The following RBFOX1 variants were observed in gnomAD, a reference collection of about 807,000 sequenced individuals.
RBFOX1 encodes the protein RNA binding fox-1 homolog 1, also known as RNA binding protein fox-1 homolog 1.
A neutral mutation model predicts 57.7 loss-of-function variants in RBFOX1; 8 were observed. The observed-to-expected ratio is 0.14, with a 90% CI of 0.08 to 0.25. RBFOX1 has a LOEUF of 0.25. RBFOX1 is among the 10% of genes least tolerant of loss of function. The pLI is 1.00. For synonymous variants in RBFOX1, 326 were observed against 222.4 expected (o/e 1.47, Z -4.15); for missense variants, 611 against 548.5 (o/e 1.11, Z -1.14).
intron 1 of RBFOX1, among the ~76,000 whole-genome samples, chr16:6,118,053 A>G (rs1000032271): frequency 6.6e-6 from 1 of 152,218 alleles, no homozygotes; most frequent in African/African-American, 2.4e-5. Context: ...TAAGAGTTGC[A>G]AAAGTAGTCC....
intron 4 of RBFOX1, among the ~76,000 whole-genome samples, chr16:7,082,024 G>T (rs960098424): frequency 6.6e-6 from 1 of 152,170 alleles, no homozygotes; most frequent in African/African-American, 2.4e-5. Flanking sequence ...TGGAAGAAGC[G>T]ATTGAATTCC....
intron 4 of RBFOX1, among the ~76,000 whole-genome samples, chr16:7,295,754 C>G (rs865903983): frequency 6.6e-6 from 1 of 152,192 alleles, no homozygotes; most frequent in Admixed American, 6.5e-5. Flanking sequence ...TTCCCAAATA[C>G]CCCATCGCAA....
intron 2 of RBFOX1, among the ~76,000 whole-genome samples, chr16:6,418,291 C>T (rs951767134): frequency 6.6e-6 from 1 of 152,094 alleles, no homozygotes; most frequent in Non-Finnish European, 1.5e-5. Flanking sequence ...TGTCCTTTAA[C>T]CACTTTGTAG....
intron 1 of RBFOX1, among the ~76,000 whole-genome samples, chr16:5,353,746 C>T (rs1448672294): frequency 1.6e-5 from 2 of 125,694 alleles, no homozygotes; most frequent in Non-Finnish European, 3.6e-5. Flanking sequence ...AAAACCTCGC[C>T]ATGCCCTGTG....
chr16:5,684,907 G>A (rs1368217400), intron 3 of RBFOX1, among the ~76,000 whole-genome samples: 2 of 152,136 alleles, frequency 1.3e-5, no homozygotes, highest in African/African-American at 2.4e-5. Flanking sequence ...CCAGGCATCA[G>A]GGAGCTCTCC....
chr16:7,134,814 A>G (rs530791155), intron 4 of RBFOX1, among the ~76,000 whole-genome samples: 2 of 152,318 alleles, frequency 1.3e-5, no homozygotes, highest in East Asian at 1.9e-4. Context: ...AGTACATAGC[A>G]TGCAGATAAT....
At chr16:7,001,043 A>G (rs2092744473) in intron 3 of RBFOX1, among the ~76,000 whole-genome samples, 1 of 152,192 alleles carries the variant, frequency 6.6e-6, no homozygotes, top group African/African-American at 2.4e-5. Context: ...GAATACTTGT[A>G]CAGAGAAAAA....
intron 4 of RBFOX1, among the ~76,000 whole-genome samples, chr16:7,426,287 C>G (rs2149469613): frequency 6.6e-6 from 1 of 152,218 alleles, no homozygotes; most frequent in South Asian, 2.1e-4. Context: ...CCCGCTTAAT[C>G]CTTACTAGCA....
chr16:6,317,509 G>T, intron 2 of RBFOX1, among the ~76,000 whole-genome samples: 1 of 151,426 alleles, frequency 6.6e-6, no homozygotes, highest in African/African-American at 2.4e-5. Flanking sequence ...CTCTTTTTGA[G>T]CTGGAATACA....
At position 7,279,036 on chromosome 16, in the gene RBFOX1, A is replaced by G. The variant is rs143551244; in HGVS notation, c.27+226938A>G. On this transcript the variant is annotated intron_variant, in intron 4 of 15. Coordinates refer to ENST00000550418, the MANE Select transcript of RBFOX1 (RefSeq NM_018723.4). ...AAATCTAAAAACTGATGACGGATGGATAAAAAGTCCTATTTTATCTAATTC... is the reference window on the plus strand; with the variant it reads ...AAATCTAAAAACTGATGACGGATGGGTAAAAAGTCCTATTTTATCTAATTC... 9.6e-3 allele frequency among the ~76,000 whole-genome samples: 1,451 copies of G among 151,918 alleles called. 15 individuals carry two copies. The highest frequency in any genetic ancestry group is 0.033 in the African/African-American group (1,380 of 41,448).
At position 6,153,752 on chromosome 16, in the gene RBFOX1, T is replaced by A. The variant is rs551697271; in HGVS notation, c.-127+133760T>A. Among the ~76,000 whole-genome samples the A allele has an allele frequency of 5.0e-4, 76 of 152,210 alleles. No individual in the cohort carries two copies. In the South Asian group the frequency reaches 6.0e-3, roughly 12 times the overall value. ...GGTTTCACCATGTTGGCCAGGCTGG[T>A]CTCAAACTCCTGACCTCAGGTGATC... On this transcript the variant is annotated intron_variant, in intron 1 of 15. Coordinates refer to ENST00000550418, the MANE Select transcript of RBFOX1 (RefSeq NM_018723.4).
chr16:6,498,486 T>C (rs143163905), intron 2 of RBFOX1, among the ~76,000 whole-genome samples: 74 of 152,268 alleles, frequency 4.9e-4, no homozygotes, highest in African/African-American at 1.8e-3. Context: ...CTCAGAAGGA[T>C]ATTGGGGCTT....
chr16:6,080,437 C>G (rs1403997652), intron 1 of RBFOX1, among the ~76,000 whole-genome samples: 2 of 152,150 alleles, frequency 1.3e-5, no homozygotes, highest in Non-Finnish European at 2.9e-5. Flanking sequence ...CTGTTATGCA[C>G]CAAGCATTGG....
At chr16:5,373,149 A>G (rs1567406995) in intron 1 of RBFOX1, among the ~76,000 whole-genome samples, 2 of 152,184 alleles carry the variant, frequency 1.3e-5, no homozygotes, top group Admixed American at 1.3e-4. Context: ...TCTCGGCAGA[A>G]CCATGGCCCA....
At chr16:7,079,037 T>C (rs1358281525) in intron 4 of RBFOX1, among the ~76,000 whole-genome samples, 1 of 151,808 alleles carries the variant, frequency 6.6e-6, no homozygotes, top group Admixed American at 6.6e-5. Flanking sequence ...AATATCTTTT[T>C]TGGGGGGAAA....
chr16:6,295,211 C>T (rs1353986556), intron 1 of RBFOX1, among the ~76,000 whole-genome samples: 1 of 150,966 alleles, frequency 6.6e-6, no homozygotes, highest in Non-Finnish European at 1.5e-5. Flanking sequence ...GCAAACTCTG[C>T]CTCCTAGGTT....
At chr16:7,148,501 G>C (rs1284486495) in intron 4 of RBFOX1, among the ~76,000 whole-genome samples, 1 of 152,202 alleles carries the variant, frequency 6.6e-6, no homozygotes, top group Non-Finnish European at 1.5e-5. Flanking sequence ...GCCGGCAGGA[G>C]GCTGTATACA....
intron 1 of RBFOX1, among the ~76,000 whole-genome samples, chr16:6,213,184 A>AT (rs1307848340): frequency 2.0e-5 from 3 of 151,958 alleles, no homozygotes; most frequent in Admixed American, 6.5e-5. Flanking sequence ...GAAACTATAT[A>AT]TTTTTTTCTT....
intron 4 of RBFOX1, among the ~76,000 whole-genome samples, chr16:7,428,323 C>CTTTTTTTT (rs201523653): frequency 1.8e-5 from 2 of 112,336 alleles, no homozygotes; most frequent in East Asian, 2.5e-4. Context: ...GAATTAATAT[C>CTTTTTTTT]TTTTTTTTTT....
Sources: gnomAD v4.1 joint callset for allele counts (sites outside exome capture counted in the v4.1 genomes callset) on GRCh38, gnomAD v4.1.1 for gene constraint, MANE v1.5 for transcripts, NCBI Gene and HGNC (gene_info 2026-07-23, HGNC 2026-07-21) for gene names.